The following ADGRV1 variants were observed in gnomAD, a reference collection of about 807,000 sequenced individuals.
ADGRV1 encodes G-protein coupled receptor 98.
In ADGRV1, 359 loss-of-function variants were observed where a neutral mutation model predicts 596.2. The ratio of observed to expected loss-of-function variants is 0.60; its 90% CI spans 0.55 to 0.66. The LOEUF (loss-of-function observed/expected upper bound fraction) is 0.66. ADGRV1 is among the 30% of genes least tolerant of loss of function. The pLI is 0.00. For missense variants in ADGRV1, 7,274 were observed against 7,575.6 expected (o/e 0.96, Z 1.48); for synonymous variants, 2,681 against 2,679.2 (o/e 1.00, Z -0.02).
intron 84 of ADGRV1, among the ~76,000 whole-genome samples, chr5:90,976,204 G>C (rs1024277172): frequency 1.8e-4 from 24 of 132,180 alleles, no homozygotes; most frequent in African/African-American, 8.0e-4. Flanking sequence ...ATGTGTTCTT[G>C]TGTGTGAGTG....
intron 11 of ADGRV1, among the ~76,000 whole-genome samples, chr5:90,641,290 A>G (rs960604327): frequency 1.8e-4 from 28 of 152,156 alleles, no homozygotes; most frequent in Admixed American, 3.3e-4. Context: ...GAACGGTTCC[A>G]TTGGTTTTCT....
chr5:91,054,796 A>G (rs909311177), intron 85 of ADGRV1, among the ~76,000 whole-genome samples: 4 of 152,178 alleles, frequency 2.6e-5, no homozygotes, highest in Non-Finnish European at 5.9e-5. Flanking sequence ...AATTTTGGGA[A>G]GATACAAACA....
intron 1 of ADGRV1, among the ~76,000 whole-genome samples, chr5:90,595,510 G>T (rs1227548978): frequency 1.2e-4 from 14 of 117,908 alleles, no homozygotes; most frequent in African/African-American, 4.6e-4. Context: ...AGTAGGGGCG[G>T]CCGGGCAGAG....
intron 84 of ADGRV1, among the ~76,000 whole-genome samples, chr5:90,975,795 A>G (rs1779516122): frequency 6.6e-6 from 1 of 152,138 alleles, no homozygotes; most frequent in Non-Finnish European, 1.5e-5. Flanking sequence ...TGGCACATGT[A>G]TACATAGGTA....
At chr5:90,622,139 A>C (rs1764165387) in intron 4 of ADGRV1, among the ~76,000 whole-genome samples, 1 of 152,164 alleles carries the variant, frequency 6.6e-6, no homozygotes, top group Admixed American at 6.5e-5. Context: ...CTGTCCTGAA[A>C]GTTATTAGCA....
At chr5:91,013,133 G>A (rs975153815) in intron 85 of ADGRV1, among the ~76,000 whole-genome samples, 1 of 151,988 alleles carries the variant, frequency 6.6e-6, no homozygotes, top group Non-Finnish European at 1.5e-5. Context: ...TGTCATTGAT[G>A]GCATTTAGGT....
intron 70 of ADGRV1, among the ~76,000 whole-genome samples, chr5:90,796,288 C>G (rs970183776): frequency 1.3e-5 from 2 of 151,944 alleles, no homozygotes; most frequent in Admixed American, 1.3e-4. Flanking sequence ...CATAAATGAC[C>G]TGATGGAGCT....
intron 86 of ADGRV1, among the ~76,000 whole-genome samples, chr5:91,095,348 C>A (rs1177646706): frequency 3.9e-5 from 6 of 152,086 alleles, no homozygotes; most frequent in Non-Finnish European, 7.4e-5. Context: ...TACAGGCATG[C>A]GCTTCCACAC....
chr5:90,766,184 C>T (rs189432644), intron 59 of ADGRV1, among the ~76,000 whole-genome samples: 1 of 152,258 alleles, frequency 6.6e-6, no homozygotes, highest in African/African-American at 2.4e-5. Context: ...GCTGGGATTA[C>T]AGGCGTGAGC....
chr5:91,029,302 T>C (rs777772997), intron 85 of ADGRV1, among the ~76,000 whole-genome samples: 2 of 152,234 alleles, frequency 1.3e-5, no homozygotes, highest in Non-Finnish European at 1.5e-5. Flanking sequence ...CCAAATGATA[T>C]GCATAACTTT....
chr5:90,615,626 T>A (rs73181604), intron 2 of ADGRV1, among the ~76,000 whole-genome samples: 3,222 of 152,006 alleles, frequency 0.021, 100 homozygotes, highest in African/African-American at 0.067. Flanking sequence ...ACTTATACTT[T>A]TTGTTTGCAA....
intron 83 of ADGRV1, among the ~76,000 whole-genome samples, chr5:90,960,239 G>A (rs2150948381): frequency 6.6e-6 from 1 of 151,988 alleles, no homozygotes; most frequent in Non-Finnish European, 1.5e-5. Flanking sequence ...AAACTTTTGG[G>A]GCTGATGCAT....
chr5:90,673,653 G>A (rs548856111), intron 22 of ADGRV1, among the ~76,000 whole-genome samples: 14 of 152,134 alleles, frequency 9.2e-5, no homozygotes, highest in African/African-American at 3.1e-4. Context: ...CCCTCCTCAC[G>A]GTGGAAGGGG....
intron 1 of ADGRV1, among the ~76,000 whole-genome samples, chr5:90,585,330 T>G (rs953490471): frequency 2.6e-5 from 4 of 152,236 alleles, no homozygotes; most frequent in African/African-American, 4.8e-5. Flanking sequence ...CCTGTCCCTC[T>G]GCCCCTCATG....
chr5:90,584,053 T>C (rs535105298), intron 1 of ADGRV1, among the ~76,000 whole-genome samples: 2 of 152,306 alleles, frequency 1.3e-5, no homozygotes, highest in African/African-American at 4.8e-5. Context: ...TTGGCGAATA[T>C]ATTTAATCCC....
intron 86 of ADGRV1, among the ~76,000 whole-genome samples, chr5:91,078,478 CCTTTTACAT>C (rs779896929): frequency 3.9e-5 from 6 of 152,282 alleles, no homozygotes; most frequent in Non-Finnish European, 5.9e-5. Flanking sequence ...TAGTTCTCAT[CCTTTTACAT>C]CTGGACTGTC....
chr5:90,970,975 G>C (rs745698462), intron 84 of ADGRV1, among the ~76,000 whole-genome samples: 19 of 152,164 alleles, frequency 1.2e-4, no homozygotes, highest in Non-Finnish European at 2.2e-4. Context: ...TTGACAAATG[G>C]CTAGCTACAA....
intron 11 of ADGRV1, among the ~76,000 whole-genome samples, chr5:90,641,544 T>A (rs944250426): frequency 1.3e-5 from 2 of 152,184 alleles, no homozygotes; most frequent in African/African-American, 4.8e-5. Context: ...GTATGAAAAT[T>A]ATGACTGTTT....
At chr5:90,686,876 G>A (rs1745730098) in intron 29 of ADGRV1, among the ~76,000 whole-genome samples, 1 of 152,144 alleles carries the variant, frequency 6.6e-6, no homozygotes, top group Admixed American at 6.5e-5. Context: ...TCCAGCACCT[G>A]TTGTTTCCTG....
Sources: gnomAD v4.1 joint callset for allele counts (sites outside exome capture counted in the v4.1 genomes callset) on GRCh38, gnomAD v4.1.1 for gene constraint, MANE v1.5 for transcripts, NCBI Gene and HGNC (gene_info 2026-07-23, HGNC 2026-07-21) for gene names.